The following WRAP53 variants were observed in gnomAD, a reference collection of about 807,000 sequenced individuals.
WRAP53 encodes WD repeat containing antisense to TP53, also known as telomerase Cajal body protein 1.
Under a neutral mutation model 56.6 loss-of-function variants are expected in WRAP53, and 28 were observed. The observed-to-expected ratio is 0.50, with a 90% CI of 0.37 to 0.68. The LOEUF (loss-of-function observed/expected upper bound fraction) is 0.68, where lower values mean the gene tolerates loss of function less well. Ranked by LOEUF, WRAP53 falls within the 30% of genes least tolerant of loss-of-function variation. The pLI is 0.00. For synonymous variants in WRAP53, 283 were observed against 283.4 expected (o/e 1.00, Z 0.01); for missense variants, 671 against 715.5 (o/e 0.94, Z 0.71).
rs1269893761 is a variant in WRAP53 at position 7,688,552 on chromosome 17, G to A, written c.-11G>A. On this transcript the variant is annotated 5_prime_UTR_variant, in exon 1 of 11. Transcript: ENST00000396463. ...CTTCTGCCTACTCCCAGAAGAGGAG[G>A]GAAGCACAGGTGGGTTTCTTTAGCT... is the stretch of plus-strand genomic sequence containing the variant. 3.7e-6 allele frequency: 5 copies of A among 1,346,612 alleles called. No homozygotes were observed. The highest frequency in any genetic ancestry group is 2.9e-5 in the African/African-American group (2 of 68,560). The allele number at this position is 1,346,612 out of a possible 1,614,324, so 83.4% of individuals were successfully genotyped here. A position where few individuals can be genotyped will look rare whatever the true frequency, so the allele number is the denominator to read the frequency against.
At chr17:7,699,476 T>TTTTATA (rs1491298527) in intron 4 of WRAP53, among the ~76,000 whole-genome samples, 2 of 11,400 alleles carry the variant, frequency 1.8e-4, no homozygotes, top group Non-Finnish European at 2.7e-4. Context: ...ATATATATAT[T>TTTTATA]TATATATATA....
At chr17:7,694,894 C>T (rs35922565) in intron 4 of WRAP53, among the ~76,000 whole-genome samples, 3 of 148,560 alleles carry the variant, frequency 2.0e-5, no homozygotes, top group African/African-American at 5.0e-5. Flanking sequence ...CCAGTTCTAT[C>T]GCAACCTCTC....
At chr17:7,693,032 C>T (rs936608062) in intron 4 of WRAP53, among the ~76,000 whole-genome samples, 2 of 151,956 alleles carry the variant, frequency 1.3e-5, no homozygotes, top group African/African-American at 2.4e-5. Flanking sequence ...TGAGCCACCG[C>T]GCCCAGCCCC....
chr17:7,691,515 G>A (rs1258072985), intron 4 of WRAP53, among the ~76,000 whole-genome samples: 4 of 149,474 alleles, frequency 2.7e-5, no homozygotes, highest in African/African-American at 7.4e-5. Flanking sequence ...TCAGCCTCCC[G>A]AGTAGCTGGG....
At position 7,701,873 on chromosome 17, in the gene WRAP53, T is replaced by C; in HGVS notation, c.955+84T>C. ...GGCCTTTTGTGAGCCGGGGGCCACC[T>C]GTGGGGGTTCACGCCGTCCTCTGTA... On this transcript the variant is annotated intron_variant, in intron 7 of 10. Transcript: ENST00000396463. This position sits in a 1 kb window ranked among gnomAD's most constrained non-coding sequence, Gnocchi z 4.2. 6.4e-6 allele frequency: 10 copies of C among 1,553,834 alleles called. No homozygotes were observed. Among genetic ancestry groups the C allele is most frequent in the Non-Finnish European group, 8.7e-6 (10 of 1,150,538 alleles).
rs1478333621 is a variant in WRAP53 at position 7,703,415 on chromosome 17, A to G, written c.1576A>G (p.Ser526Gly). The G allele has an allele frequency of 1.2e-6, 2 of 1,612,212 alleles. No homozygotes were observed. Among genetic ancestry groups the G allele is most frequent in the African/African-American group, 2.7e-5 (2 of 74,618 alleles). Residue 526 changes from serine (S) to glycine (G), a missense_variant, in exon 11 of 11, where the codon AGC becomes GGC. By Grantham distance (56) the Ser-to-Gly change is moderately conservative. Coordinates refer to ENST00000396463, the MANE Select transcript of WRAP53 (RefSeq NM_001143992.2). ...GTGGTGTGGGGGGGCGCCAGACTCC[A>G]GCATCCCTGATGATCACCAGGGCGA... Reference protein sequence around the residue: ...LWWCGGAPDSSIPDDHQGEKG... With the variant: ...LWWCGGAPDSGIPDDHQGEKG...
In WRAP53 at chr17:7,689,579, C is replaced by T; in HGVS notation, c.531-11C>T. On this transcript the variant is annotated splice_polypyrimidine_tract_variant and intron_variant, in intron 3 of 10. Transcript: ENST00000396463. ...GGTCTGGCCAGCTTTCTAACTCTCC[C>T]CTGTTTCTAGGGCTCCTGACGGTTC... 6.2e-7 allele frequency: 1 copy of T among 1,613,010 alleles called. No individual in the cohort carries two copies. Among genetic ancestry groups the T allele is most frequent in the Non-Finnish European group, 8.5e-7 (1 of 1,179,026 alleles).
upstream of WRAP53, chr17:7,688,354 G>A: frequency 2.0e-6 from 1 of 488,588 alleles, no homozygotes. Flanking sequence ...TTCACGTCCC[G>A]GCTCCGCGGG....
rs34557119 is a variant in WRAP53 at position 7,689,844 on chromosome 17, C to G, written c.642+143C>G. The G allele has an allele frequency of 5.2e-4, 352 of 674,256 alleles. 4 individuals carry two copies. In the South Asian group the frequency reaches 6.1e-3, roughly 12 times the overall value. 41.8% of individuals were successfully genotyped at this position (674,256 alleles called of 1,614,324 possible). ...AGTTTCCACATGTAGCGTTTTCTGC[C>G]CCGAATTCTGAAGTTATTTAGAGAG... On this transcript the variant is annotated intron_variant, in intron 4 of 10. Transcript: ENST00000396463.
chr17:7,689,389 T>C, intron 3 of WRAP53, 67 bp downstream of exon 3: 2 of 1,531,322 alleles, frequency 1.3e-6, no homozygotes, highest in Non-Finnish European at 1.8e-6. Context: ...AGTCCAGTTT[T>C]CTAGGAGAGG....
intron 4 of WRAP53, among the ~76,000 whole-genome samples, chr17:7,699,480 A>ATATATATATATATATATT (rs2074236470): frequency 1.8e-4 from 2 of 11,290 alleles, no homozygotes; most frequent in African/African-American, 7.8e-4. Flanking sequence ...ATATATTTAT[A>ATATATATATATATATATT]TATATATATA....
chr17:7,690,167 T>C (rs1295502584), intron 4 of WRAP53, among the ~76,000 whole-genome samples: 2 of 152,252 alleles, frequency 1.3e-5, no homozygotes, highest in Admixed American at 1.3e-4. Context: ...CAGGCTGATA[T>C]CAAATTCCTG....
chr17:7,696,557 C>T (rs1021726787), intron 4 of WRAP53, among the ~76,000 whole-genome samples: 2 of 152,132 alleles, frequency 1.3e-5, no homozygotes, highest in Admixed American at 6.5e-5. Context: ...CTTGGCCTCC[C>T]AAAGTGCTGG....
rs899720988 is a variant in WRAP53 at position 7,702,005 on chromosome 17, C to T, written c.955+216C>T. On this transcript the variant is annotated intron_variant, in intron 7 of 10. Transcript: ENST00000396463. The surrounding 1 kb of genome is among the most constrained non-coding windows in gnomAD (Gnocchi z 5.0). ...AGCTGGTCAAAGGACTGCTTCCTTCCTGAACTCATACCCTGTCAGCTGTGG... is the reference window on the plus strand; with the variant it reads ...AGCTGGTCAAAGGACTGCTTCCTTCTTGAACTCATACCCTGTCAGCTGTGG... 1.3e-6 allele frequency: 1 copy of T among 787,276 alleles called. No homozygotes were observed. Among genetic ancestry groups the T allele is most frequent in the Admixed American group, 2.0e-5 (1 of 50,034 alleles). The allele number at this position is 787,276 out of a possible 1,614,324, so 48.8% of individuals were successfully genotyped here.
upstream of WRAP53, chr17:7,688,389 G>C (rs2074047523): frequency 1.8e-6 from 1 of 545,328 alleles, no homozygotes; most frequent in Non-Finnish European, 3.3e-6. Flanking sequence ...CGCGAAATCT[G>C]ATCCGGGATG....
chr17:7,689,834 C>T (rs146256073), intron 4 of WRAP53, 133 bp downstream of exon 4: 5 of 707,154 alleles, frequency 7.1e-6, no homozygotes, highest in South Asian at 5.1e-5. Context: ...CCACATGTAG[C>T]GTTTTCTGCC....
rs1401051154 is a variant in WRAP53 at position 7,702,825 on chromosome 17, G to A, written c.1247G>A (p.Arg416His). The A allele has an allele frequency of 3.7e-6, 6 of 1,613,786 alleles. No homozygotes were observed. The highest frequency in any genetic ancestry group is 1.3e-5 in the African/African-American group (1 of 74,866). Residue 416 changes from arginine to histidine, a missense_variant, in exon 9 of 11, where the codon CGC (arginine) becomes CAC (histidine). Coordinates refer to ENST00000396463, the MANE Select transcript of WRAP53 (RefSeq NM_001143992.2). This position sits in a 1 kb window ranked among gnomAD's most constrained non-coding sequence, Gnocchi z 5.0. ...GGTCGAGAGGTGACCACCAATCAGCGCATCTACTTCGATCTGGACCCGTGA... is the reference window on the plus strand; with the variant it reads ...GGTCGAGAGGTGACCACCAATCAGCACATCTACTTCGATCTGGACCCGTGA... ...SLGREVTTNQRIYFDLDPTGQ... is the reference protein window; with the variant it reads ...SLGREVTTNQHIYFDLDPTGQ...
At position 7,701,725 on chromosome 17, in the gene WRAP53, C is replaced by T. The variant is rs749321958; in HGVS notation, c.891C>T (p.Asn297=). 1.9e-6 allele frequency: 3 copies of T among 1,614,246 alleles called. No individual in the cohort carries two copies. Among genetic ancestry groups the T allele is most frequent in the African/African-American group, 1.3e-5 (1 of 75,066 alleles). Residue 297 remains asparagine (N), a synonymous_variant, in exon 7 of 11, where the codon AAC becomes AAT. Coordinates refer to ENST00000396463, the MANE Select transcript of WRAP53 (RefSeq NM_001143992.2). The surrounding 1 kb of genome is among the most constrained non-coding windows in gnomAD (Gnocchi z 4.2). ...PDGSQLFCGF[N]RTVRVFSTAR... ...GCTCCCAGCTCTTCTGTGGCTTCAA[C>T]CGGACTGTGCGTGTTTTTTCCACGG... is the stretch of plus-strand genomic sequence containing the variant.
chr17:7,697,532 G>A (rs1436806034), intron 4 of WRAP53, among the ~76,000 whole-genome samples: 1 of 151,896 alleles, frequency 6.6e-6, no homozygotes, highest in African/African-American at 2.4e-5. Flanking sequence ...GGTGGCAAAT[G>A]CCTGTGGTCC....
Sources: gnomAD v4.1 joint callset for allele counts (sites outside exome capture counted in the v4.1 genomes callset) on GRCh38, gnomAD v4.1.1 for gene constraint, Gnocchi (gnomAD v3.1) non-coding constraint, MANE v1.5 for transcripts, NCBI Gene and HGNC (gene_info 2026-07-23, HGNC 2026-07-21) for gene names.